GSTCD: variants seen among roughly 807,000 people sequenced by gnomAD.
GSTCD encodes the protein glutathione S-transferase C-terminal domain containing, also known as glutathione S-transferase C-terminal domain-containing protein.
In GSTCD, 44 loss-of-function variants were observed where a neutral mutation model predicts 68.3. The observed-to-expected ratio is 0.64, with a 90% CI of 0.51 to 0.83. The LOEUF (loss-of-function observed/expected upper bound fraction) is 0.83, where lower values mean the gene tolerates loss of function less well. Among genes scored for constraint, GSTCD ranks in the 40% least tolerant of loss-of-function variants. GSTCD has a pLI of 0.00. For synonymous variants in GSTCD, 273 were observed against 255.2 expected (o/e 1.07, Z -0.67); for missense variants, 739 against 735.9 (o/e 1.00, Z -0.05).
At position 105,760,996 on chromosome 4, in the gene GSTCD, A is replaced by ATT. The variant is rs35581423; in HGVS notation, c.1240+31521_1240+31522dup. On this transcript the variant is annotated intron_variant, in intron 5 of 11. Coordinates refer to ENST00000515279, the MANE Select transcript of GSTCD (RefSeq NM_001370181.1). ...TTGTATATCTCATTATCCTTTTTTA[A>ATT]TTTTTTTTTTTTTTTTTTTTTTTTT... is the stretch of plus-strand genomic sequence containing the variant. The ATT allele has an allele frequency of 8.8e-3, 1,529 of 174,506 alleles. 3 individuals are homozygous for ATT. Among genetic ancestry groups the ATT allele is most frequent in the African/African-American group, 0.017 (327 of 19,060 alleles). 10.8% of individuals were successfully genotyped at this position (174,506 alleles called of 1,614,324 possible).
At chr4:105,844,949 A>G (rs1457383924) in intron 11 of GSTCD, among the ~76,000 whole-genome samples, 3 of 152,234 alleles carry the variant, frequency 2.0e-5, no homozygotes, top group Non-Finnish European at 4.4e-5. Flanking sequence ...GTAATTGAGA[A>G]TTTTCTTAAA....
At chr4:105,712,104 T>C (rs1222907558) in intron 1 of GSTCD, among the ~76,000 whole-genome samples, 29 of 152,228 alleles carry the variant, frequency 1.9e-4, no homozygotes, top group Admixed American at 1.9e-3. Context: ...CAGTGATTTC[T>C]GACATTCATA....
At chr4:105,825,930 C>A (rs1578514311) in intron 8 of GSTCD, 130 bp downstream of exon 8, 1 of 483,834 alleles carries the variant, frequency 2.1e-6, no homozygotes, top group Non-Finnish European at 3.7e-6. Context: ...CTTATATTAT[C>A]TATGAAATAT....
intron 3 of GSTCD, among the ~76,000 whole-genome samples, chr4:105,725,576 T>C (rs995790684): frequency 1.3e-5 from 2 of 151,834 alleles, no homozygotes; most frequent in Non-Finnish European, 2.9e-5. Context: ...TCTAATGATA[T>C]ATGATGCTGA....
At chr4:105,829,293 T>A (rs1201912435) in intron 8 of GSTCD, among the ~76,000 whole-genome samples, 1 of 151,994 alleles carries the variant, frequency 6.6e-6, no homozygotes, top group Non-Finnish European at 1.5e-5. Context: ...ATTCAGAATT[T>A]CCAATCAACT....
chr4:105,836,215 A>C (rs28767239), intron 9 of GSTCD, among the ~76,000 whole-genome samples: 16,622 of 150,990 alleles, frequency 0.11, 1,404 homozygotes, highest in African/African-American at 0.22. Context: ...AAGAAGAGAT[A>C]CAGAGTGGGT....
At chr4:105,829,547 A>G (rs997572789) in intron 8 of GSTCD, among the ~76,000 whole-genome samples, 6 of 152,186 alleles carry the variant, frequency 3.9e-5, no homozygotes, top group African/African-American at 1.4e-4. Context: ...GGTGGCAGGC[A>G]AGAGTGTGTG....
intron 5 of GSTCD, among the ~76,000 whole-genome samples, chr4:105,778,136 C>T (rs1247628950): frequency 6.6e-6 from 1 of 152,048 alleles, no homozygotes; most frequent in African/African-American, 2.4e-5. Flanking sequence ...AAGCCAATGA[C>T]ATGCAATTTC....
chr4:105,788,870 A>T (rs923134868), intron 5 of GSTCD, among the ~76,000 whole-genome samples: 1 of 152,034 alleles, frequency 6.6e-6, no homozygotes, highest in African/African-American at 2.4e-5. Flanking sequence ...AGCATGTTGT[A>T]TTCCTTAACC....
chr4:105,728,585 C>G (rs1303122103), intron 4 of GSTCD, among the ~76,000 whole-genome samples: 2 of 151,926 alleles, frequency 1.3e-5, no homozygotes, highest in Non-Finnish European at 2.9e-5. Flanking sequence ...TAAACTGATA[C>G]AAAGCATTCG....
At chr4:105,721,065 G>A (rs1224164173) in intron 3 of GSTCD, among the ~76,000 whole-genome samples, 1 of 151,198 alleles carries the variant, frequency 6.6e-6, no homozygotes, top group East Asian at 1.9e-4. Flanking sequence ...TCCGCTTCCT[G>A]GGTTGAAGCA....
intron 5 of GSTCD, among the ~76,000 whole-genome samples, chr4:105,758,394 C>T (rs1033341388): frequency 3.3e-5 from 5 of 152,176 alleles, no homozygotes; most frequent in Non-Finnish European, 7.4e-5. Flanking sequence ...GCAGATCCCT[C>T]ATGTCTTGGT....
chr4:105,709,384 A>T (rs973113053), intron 1 of GSTCD, among the ~76,000 whole-genome samples: 3 of 152,082 alleles, frequency 2.0e-5, no homozygotes. Context: ...GGGTCACACT[A>T]ACTTCTCTTC....
At chr4:105,718,661 A>G (rs1732761564) in intron 2 of GSTCD, among the ~76,000 whole-genome samples, 1 of 152,230 alleles carries the variant, frequency 6.6e-6, no homozygotes, top group Non-Finnish European at 1.5e-5. Flanking sequence ...CTTAATTTAT[A>G]AAGTTTGGAG....
intron 5 of GSTCD, among the ~76,000 whole-genome samples, chr4:105,735,508 G>A (rs1733430094): frequency 6.6e-6 from 1 of 152,220 alleles, no homozygotes; most frequent in South Asian, 2.1e-4. Context: ...TGTGCCGTTT[G>A]CTAAGACCAT....
Position 105,823,347 on chromosome 4 carries a change from C to A in GSTCD, c.1401+72C>A. ...GTTCAGCTAGCCAAATTTGGTTTATCCCGCTCTTGGAGTTTCTAGTCACTC... is the reference window on the plus strand; with the variant it reads ...GTTCAGCTAGCCAAATTTGGTTTATACCGCTCTTGGAGTTTCTAGTCACTC... On this transcript the variant is annotated intron_variant, in intron 7 of 11. Coordinates refer to ENST00000515279, the MANE Select transcript of GSTCD (RefSeq NM_001370181.1). 3.6e-6 allele frequency: 5 copies of A among 1,381,028 alleles called. No individual in the cohort carries two copies. In the South Asian group the frequency reaches 5.9e-5, roughly 16 times the overall value. 85.5% of individuals were successfully genotyped at this position (1,381,028 alleles called of 1,614,324 possible). A position where few individuals can be genotyped will look rare whatever the true frequency, so the allele number is the denominator to read the frequency against.
rs114544763 is a variant in GSTCD at position 105,842,823 on chromosome 4, G to T, written c.1765+689G>T. On this transcript the variant is annotated intron_variant, in intron 11 of 11. Transcript: ENST00000515279. ...TAATGATAAGAAAACTGAGACAAAA[G>T]CTTTCCTGGGGTCCCTCATCTGGTA... Among the ~76,000 whole-genome samples, 1,320 of 152,246 alleles carry T rather than the reference G, an allele frequency of 8.7e-3. 19 individuals are homozygous for T. The highest frequency in any genetic ancestry group is 0.029 in the African/African-American group (1,221 of 41,534).
intron 5 of GSTCD, among the ~76,000 whole-genome samples, chr4:105,794,591 T>G (rs1735797645): frequency 6.6e-6 from 1 of 151,816 alleles, no homozygotes. Context: ...AAAAATAAAG[T>G]CTATAACACA....
intron 5 of GSTCD, among the ~76,000 whole-genome samples, chr4:105,731,850 A>G (rs1435542182): frequency 2.0e-5 from 3 of 152,182 alleles, no homozygotes; most frequent in Admixed American, 1.3e-4. Flanking sequence ...AGCTCTTATT[A>G]TTTTGAGAAA....
Sources: gnomAD v4.1 joint callset for allele counts (sites outside exome capture counted in the v4.1 genomes callset) on GRCh38, gnomAD v4.1.1 for gene constraint, MANE v1.5 for transcripts, NCBI Gene and HGNC (gene_info 2026-07-23, HGNC 2026-07-21) for gene names.